The following ADAM20 variants were observed in gnomAD, a reference collection of about 807,000 sequenced individuals.
ADAM20 encodes disintegrin and metalloproteinase domain-containing protein 20.
For synonymous variants in ADAM20, 305 were observed against 310.2 expected, an observed-to-expected ratio of 0.98 and a Z score of 0.18; for missense variants, 871 against 883.2, an observed-to-expected ratio of 0.99 and a Z score of 0.18.
At chr14:70,553,340 C>A in the ADAM20 span, among the ~76,000 whole-genome samples, 80 of 53,904 alleles carry the variant, frequency 1.5e-3, no homozygotes, top group East Asian at 3.7e-3. Flanking sequence ...AAACTAGTAG[C>A]AGAATTGAAA....
At chr14:70,571,638 C>T in the ADAM20 span, among the ~76,000 whole-genome samples, 1 of 152,100 alleles carries the variant, frequency 6.6e-6, no homozygotes, top group Non-Finnish European at 1.5e-5. Flanking sequence ...CTAGCTGGAG[C>T]AATCAGACAA....
the ADAM20 span, among the ~76,000 whole-genome samples, chr14:70,559,466 T>C: frequency 6.6e-6 from 1 of 152,186 alleles, no homozygotes; most frequent in Non-Finnish European, 1.5e-5. Flanking sequence ...CCTCCTAACA[T>C]GTCTCCTGCA....
At chr14:70,575,297 C>T in the ADAM20 span, among the ~76,000 whole-genome samples, 3 of 152,078 alleles carry the variant, frequency 2.0e-5, no homozygotes, top group African/African-American at 7.2e-5. Flanking sequence ...CAGGTTCAAG[C>T]GATTCTTCTG....
the ADAM20 span, among the ~76,000 whole-genome samples, chr14:70,572,097 AAT>A: frequency 6.6e-6 from 1 of 152,188 alleles, no homozygotes; most frequent in African/African-American, 2.4e-5. Context: ...TGAAATTACC[AAT>A]GTCATTTTTC....
At chr14:70,570,506 A>G in the ADAM20 span, among the ~76,000 whole-genome samples, 1 of 152,242 alleles carries the variant, frequency 6.6e-6, no homozygotes, top group Non-Finnish European at 1.5e-5. Context: ...CTATGCACAC[A>G]AACTAGGAAA....
chr14:70,578,524 G>T, the ADAM20 span, among the ~76,000 whole-genome samples: 1 of 152,162 alleles, frequency 6.6e-6, no homozygotes, highest in Non-Finnish European at 1.5e-5. Flanking sequence ...CGTCTGCACA[G>T]CGAAAGAAAC....
the ADAM20 span, among the ~76,000 whole-genome samples, chr14:70,561,551 T>A: frequency 6.6e-6 from 1 of 152,196 alleles, no homozygotes. Context: ...GTCTGCAGGG[T>A]ATTTCAGAGA....
chr14:70,569,318 C>A, the ADAM20 span, among the ~76,000 whole-genome samples: 1 of 152,126 alleles, frequency 6.6e-6, no homozygotes, highest in Non-Finnish European at 1.5e-5. Flanking sequence ...TACCATAAAA[C>A]AACACATAAG....
the ADAM20 span, among the ~76,000 whole-genome samples, chr14:70,561,793 C>T: frequency 6.6e-6 from 1 of 152,224 alleles, no homozygotes; most frequent in African/African-American, 2.4e-5. Flanking sequence ...GTTGGGCCTG[C>T]AGGATGCAGA....
rs767536433 is a variant in ADAM20, at chr14:70,523,717, A to G, written c.1041T>C (p.Asn347=). ...AITLGHELGH[N]LGMQHDTQWC... is the part of the protein sequence containing the mutation. ...ACTGGGTGTCATGTTGCATACCCAAATTATGACCAAGCTCGTGGCCCAAAG... is the reference window on the plus strand; with the variant it reads ...ACTGGGTGTCATGTTGCATACCCAAGTTATGACCAAGCTCGTGGCCCAAAG... Residue 347 remains asparagine, a synonymous_variant, in exon 2 of 2, where the codon AAT becomes AAC. Coordinates refer to ENST00000256389, the MANE Select transcript of ADAM20 (RefSeq NM_003814.5). 1.9e-6 allele frequency: 3 copies of G among 1,614,082 alleles called. No homozygotes were observed. Among genetic ancestry groups the G allele is most frequent in the Non-Finnish European group, 2.5e-6 (3 of 1,179,972 alleles).
chr14:70,529,059 G>A (rs7153652), intron 1 of ADAM20, among the ~76,000 whole-genome samples: 5,982 of 152,076 alleles, frequency 0.039, 392 homozygotes, highest in African/African-American at 0.13. Flanking sequence ...ATAATTTAAG[G>A]GAGAAATAGA....
At chr14:70,574,496 C>A in the ADAM20 span, among the ~76,000 whole-genome samples, 1 of 151,854 alleles carries the variant, frequency 6.6e-6, no homozygotes, top group Non-Finnish European at 1.5e-5. Context: ...AAAAATTAGC[C>A]GGGCATGGTG....
At chr14:70,578,514 C>T in the ADAM20 span, among the ~76,000 whole-genome samples, 4 of 152,076 alleles carry the variant, frequency 2.6e-5, no homozygotes, top group Non-Finnish European at 5.9e-5. Flanking sequence ...TGAACTACAG[C>T]GTCTGCACAG....
chr14:70,578,718 G>A, the ADAM20 span, among the ~76,000 whole-genome samples: 1 of 152,082 alleles, frequency 6.6e-6, no homozygotes, highest in East Asian at 1.9e-4. Context: ...TTAGATTCAG[G>A]AGGTACACAT....
At chr14:70,550,626 T>C in the ADAM20 span, among the ~76,000 whole-genome samples, 1 of 81,326 alleles carries the variant, frequency 1.2e-5, no homozygotes, top group African/African-American at 5.9e-5. Flanking sequence ...AATCTCTGAA[T>C]AGACCAATAA....
In ADAM20 at chr14:70,523,825, G is replaced by T; in HGVS notation, c.933C>A (p.Ala311=). The part of the protein sequence containing the change: ...KDTQGMKLGV[A]YVKGICQNPF... ...GATTCTGGCATATTCCTTTAACATA[G>T]GCAACACCAAGCTTCATGCCTTGTG... Residue 311 remains alanine, a synonymous_variant, in exon 2 of 2, where the codon GCC becomes GCA. Coordinates refer to ENST00000256389, the MANE Select transcript of ADAM20 (RefSeq NM_003814.5). 1.2e-6 allele frequency: 2 copies of T among 1,613,944 alleles called. No homozygotes were observed. Among genetic ancestry groups the T allele is most frequent in the Non-Finnish European group, 8.5e-7 (1 of 1,179,940 alleles).
chr14:70,574,919 T>TA, the ADAM20 span, among the ~76,000 whole-genome samples: 2 of 151,450 alleles, frequency 1.3e-5, no homozygotes, highest in East Asian at 1.9e-4. Context: ...TTATGCTAAG[T>TA]AAAAAAAGCC....
At chr14:70,546,517 T>C in the ADAM20 span, among the ~76,000 whole-genome samples, 80 of 152,246 alleles carry the variant, frequency 5.3e-4, 1 homozygote, top group East Asian at 0.014. Context: ...TTGCATTCTT[T>C]TGAGTTTCTG....
At chr14:70,559,725 T>C in the ADAM20 span, among the ~76,000 whole-genome samples, 1 of 152,234 alleles carries the variant, frequency 6.6e-6, no homozygotes, top group African/African-American at 2.4e-5. Context: ...GTCTCCTTGC[T>C]GATCCACTAA....
Sources: allele counts gnomAD v4.1 joint callset (sites outside exome capture counted in the v4.1 genomes callset), GRCh38; gene constraint gnomAD v4.1.1; transcripts MANE v1.5; gene names NCBI Gene and HGNC (gene_info 2026-07-23, HGNC 2026-07-21).